The following NFIA variants were observed in gnomAD, a reference collection of about 807,000 sequenced individuals.
NFIA encodes nuclear factor I A.
A neutral mutation model predicts 62.8 loss-of-function variants in NFIA; 8 were observed. The observed-to-expected ratio is 0.13, with a 90% CI of 0.07 to 0.23. NFIA has a LOEUF of 0.23. Among genes scored for constraint, NFIA ranks in the 10% least tolerant of loss-of-function variants. The probability of loss-of-function intolerance (pLI) is 1.00; values close to 1 mark genes in which losing one functional copy is unlikely to be tolerated. For synonymous variants in NFIA, 235 were observed against 238.1 expected (o/e 0.99, Z 0.12); for missense variants, 410 against 642.1 (o/e 0.64, Z 3.91).
intron 3 of NFIA, among the ~76,000 whole-genome samples, chr1:61,327,159 T>G (rs920835066): frequency 6.7e-6 from 1 of 150,066 alleles, no homozygotes; most frequent in Non-Finnish European, 1.5e-5. Flanking sequence ...CAGCTCAGTT[T>G]TAGTTTAAAC....
chr1:61,219,792 T>C (rs1395228156), intron 2 of NFIA, among the ~76,000 whole-genome samples: 1 of 150,822 alleles, frequency 6.6e-6, no homozygotes, highest in African/African-American at 2.4e-5. Flanking sequence ...GGTGAAACCC[T>C]GTCTCTACTA....
intron 2 of NFIA, among the ~76,000 whole-genome samples, chr1:61,132,312 C>T (rs558181010): frequency 3.9e-5 from 6 of 152,186 alleles, no homozygotes; most frequent in South Asian, 2.1e-4. Flanking sequence ...TGGATCCACC[C>T]GAGGAGGACG....
At chr1:61,213,314 A>G (rs1455075386) in intron 2 of NFIA, among the ~76,000 whole-genome samples, 1 of 152,198 alleles carries the variant, frequency 6.6e-6, no homozygotes, top group Non-Finnish European at 1.5e-5. Context: ...AGTTGGAGGC[A>G]TGGTGCGCCT....
chr1:61,150,241 A>C (rs1648302599), intron 2 of NFIA, among the ~76,000 whole-genome samples: 2 of 152,204 alleles, frequency 1.3e-5, no homozygotes, highest in Admixed American at 1.3e-4. Flanking sequence ...CCTTTAGATC[A>C]ATGTGTCGCA....
Position 61,088,911 on chromosome 1 carries a change from G to A in NFIA, c.559+231G>A, listed in dbSNP as rs547572584. ...TTTGGTAAGTAGTGTTTTCAGAGGC[G>A]TTGGTAATCAGATATGTGATATGTT... On this transcript the variant is annotated intron_variant, in intron 2 of 10. Transcript: ENST00000403491. This position sits in a 1 kb window ranked among gnomAD's most constrained non-coding sequence, Gnocchi z 4.5. 6.6e-6 allele frequency among the ~76,000 whole-genome samples: 1 copy of A among 152,332 alleles called. No individual in the cohort carries two copies. The highest frequency in any genetic ancestry group is 2.1e-4 in the South Asian group (1 of 4,828).
At chr1:61,295,672 C>T (rs1051579976) in intron 3 of NFIA, among the ~76,000 whole-genome samples, 5 of 152,186 alleles carry the variant, frequency 3.3e-5, no homozygotes, top group Admixed American at 6.5e-5. Context: ...CCTGACCTCC[C>T]GTGCCTCAGT....
At chr1:61,403,748 A>T (rs1665682364) in intron 7 of NFIA, among the ~76,000 whole-genome samples, 1 of 152,242 alleles carries the variant, frequency 6.6e-6, no homozygotes, top group Non-Finnish European at 1.5e-5. Flanking sequence ...TGTCATATGT[A>T]ATGTCAGTTA....
At chr1:61,433,542 A>T (rs1031316248) in intron 10 of NFIA, among the ~76,000 whole-genome samples, 2 of 151,232 alleles carry the variant, frequency 1.3e-5, no homozygotes, top group African/African-American at 2.5e-5. Context: ...ATGTGTGTGT[A>T]TATATACTCA....
chr1:61,241,491 G>T (rs147235941), intron 2 of NFIA, among the ~76,000 whole-genome samples: 1 of 151,998 alleles, frequency 6.6e-6, no homozygotes, highest in South Asian at 2.1e-4. Context: ...TTTAACTAGC[G>T]TTCTATTTAA....
chr1:61,380,518 A>G (rs1018247355), intron 6 of NFIA, among the ~76,000 whole-genome samples: 1 of 152,222 alleles, frequency 6.6e-6, no homozygotes, highest in African/African-American at 2.4e-5. Flanking sequence ...TCAAAAATAA[A>G]AGCCAACATT....
chr1:61,345,438 C>A (rs1025871818), intron 4 of NFIA, among the ~76,000 whole-genome samples: 1 of 152,200 alleles, frequency 6.6e-6, no homozygotes, highest in Non-Finnish European at 1.5e-5. Flanking sequence ...CCTCTGACTT[C>A]ATGACCTGGG....
chr1:61,383,467 G>A, intron 7 of NFIA, 102 bp downstream of exon 7: 1 of 1,373,806 alleles, frequency 7.3e-7, no homozygotes. Flanking sequence ...ACACTCGTGA[G>A]GCAGTGAGTG....
At chr1:61,169,173 T>C (rs942672230) in intron 2 of NFIA, among the ~76,000 whole-genome samples, 4 of 152,186 alleles carry the variant, frequency 2.6e-5, no homozygotes, top group Non-Finnish European at 4.4e-5. Context: ...TAGATAAATA[T>C]TCCAAGTTTT....
At chr1:61,335,525 G>T (rs1429678432) in intron 4 of NFIA, among the ~76,000 whole-genome samples, 1 of 152,136 alleles carries the variant, frequency 6.6e-6, no homozygotes, top group Non-Finnish European at 1.5e-5. Context: ...TGGACCTGGG[G>T]TGCATTCTGT....
intron 2 of NFIA, among the ~76,000 whole-genome samples, chr1:61,200,874 T>G (rs1448533425): frequency 1.3e-5 from 2 of 152,254 alleles, no homozygotes; most frequent in Non-Finnish European, 2.9e-5. Context: ...CTCATTTAAG[T>G]GGCTTCTGTT....
chr1:61,347,744 C>G (rs1175020498), intron 4 of NFIA, among the ~76,000 whole-genome samples: 1 of 152,184 alleles, frequency 6.6e-6, no homozygotes, highest in East Asian at 1.9e-4. Flanking sequence ...TAGTATTCCA[C>G]TTAGGTTGTA....
intron 2 of NFIA, among the ~76,000 whole-genome samples, chr1:61,193,655 A>G (rs1480142146): frequency 6.6e-6 from 1 of 152,214 alleles, no homozygotes; most frequent in Non-Finnish European, 1.5e-5. Context: ...TGTCAGGTAT[A>G]TTTTGCTTCT....
chr1:61,115,758 T>A (rs1310498390), intron 2 of NFIA, among the ~76,000 whole-genome samples: 1 of 152,218 alleles, frequency 6.6e-6, no homozygotes, highest in Non-Finnish European at 1.5e-5. Context: ...GTTGAAAACA[T>A]TTGTCCACTT....
chr1:61,082,031 C>A (rs1646102975), upstream of NFIA: 1 of 1,548,704 alleles, frequency 6.5e-7, no homozygotes, highest in Admixed American at 2.0e-5. Flanking sequence ...GCAAAGTTGC[C>A]CAAGTCCTCC....
Sources: allele counts gnomAD v4.1 joint callset (sites outside exome capture counted in the v4.1 genomes callset), GRCh38; gene constraint gnomAD v4.1.1; non-coding constraint Gnocchi (gnomAD v3.1); transcripts MANE v1.5; gene names NCBI Gene and HGNC (gene_info 2026-07-23, HGNC 2026-07-21).